NXPH1: variants seen among roughly 807,000 people sequenced by gnomAD.
NXPH1 encodes neurexophilin-1.
A neutral mutation model predicts 23.7 loss-of-function variants in NXPH1; 5 were observed. The observed-to-expected ratio is 0.21, with a 90% CI of 0.11 to 0.44. The LOEUF (loss-of-function observed/expected upper bound fraction) is 0.44. Ranked by LOEUF, NXPH1 falls within the 20% of genes least tolerant of loss-of-function variation. The pLI is 0.99. For missense variants in NXPH1, 324 were observed against 321.6 expected (o/e 1.01, Z -0.06); for synonymous variants, 144 against 122.2 (o/e 1.18, Z -1.18).
intron 2 of NXPH1, among the ~76,000 whole-genome samples, chr7:8,711,110 C>T (rs532668653): frequency 1.3e-5 from 2 of 152,238 alleles, no homozygotes; most frequent in Admixed American, 1.3e-4. Context: ...AGTATTCCTA[C>T]TAAAAGGAAA....
intron 2 of NXPH1, among the ~76,000 whole-genome samples, chr7:8,623,489 G>T (rs1474467513): frequency 6.6e-6 from 1 of 151,806 alleles, no homozygotes; most frequent in Non-Finnish European, 1.5e-5. Flanking sequence ...AAATTAAAAA[G>T]ATAAAAGAAA....
At chr7:8,705,259 C>T (rs928995324) in intron 2 of NXPH1, among the ~76,000 whole-genome samples, 1 of 152,154 alleles carries the variant, frequency 6.6e-6, no homozygotes, top group African/African-American at 2.4e-5. Context: ...CTTAGTGGGT[C>T]CATGGACCCA....
At chr7:8,526,901 T>A (rs903512520) in intron 2 of NXPH1, among the ~76,000 whole-genome samples, 16 of 152,158 alleles carry the variant, frequency 1.1e-4, no homozygotes, top group Non-Finnish European at 1.9e-4. Context: ...GTAAATATAT[T>A]GTCGTGCATA....
At chr7:8,480,143 A>C (rs1817048718) in intron 2 of NXPH1, among the ~76,000 whole-genome samples, 1 of 152,136 alleles carries the variant, frequency 6.6e-6, no homozygotes, top group Non-Finnish European at 1.5e-5. Flanking sequence ...GGTAGCTGAC[A>C]TAGGTCTATA....
intron 2 of NXPH1, among the ~76,000 whole-genome samples, chr7:8,629,898 AC>A (rs1451598904): frequency 3.3e-5 from 5 of 152,252 alleles, no homozygotes; most frequent in South Asian, 4.1e-4. Context: ...AGGTCCTACA[AC>A]CTTTTGCCTC....
intron 2 of NXPH1, among the ~76,000 whole-genome samples, chr7:8,699,303 C>T (rs1012232726): frequency 6.6e-6 from 1 of 152,082 alleles, no homozygotes; most frequent in African/African-American, 2.4e-5. Flanking sequence ...CAATGGAAAA[C>T]ATACATACTT....
intron 2 of NXPH1, among the ~76,000 whole-genome samples, chr7:8,482,446 T>C (rs974388299): frequency 6.6e-6 from 1 of 151,978 alleles, no homozygotes; most frequent in Non-Finnish European, 1.5e-5. Context: ...GCACTGGGAG[T>C]CTTTAGGTTC....
At chr7:8,666,788 A>G (rs543605115) in intron 2 of NXPH1, among the ~76,000 whole-genome samples, 2 of 152,098 alleles carry the variant, frequency 1.3e-5, no homozygotes, top group Admixed American at 1.3e-4. Flanking sequence ...TTATCAATTT[A>G]TTCTAGATTA....
chr7:8,665,210 T>A (rs1447156221), intron 2 of NXPH1, among the ~76,000 whole-genome samples: 1 of 152,050 alleles, frequency 6.6e-6, no homozygotes, highest in African/African-American at 2.4e-5. Context: ...TGGTGTAAGA[T>A]AAGGATCTAA....
chr7:8,592,702 G>A (rs1583177962), intron 2 of NXPH1, among the ~76,000 whole-genome samples: 2 of 152,032 alleles, frequency 1.3e-5, no homozygotes, highest in South Asian at 4.1e-4. Flanking sequence ...TAACTTTGCT[G>A]TTTTAGTACA....
At chr7:8,569,884 A>G (rs181685432) in intron 2 of NXPH1, among the ~76,000 whole-genome samples, 1 of 152,042 alleles carries the variant, frequency 6.6e-6, no homozygotes, top group East Asian at 1.9e-4. Flanking sequence ...TTGTGTGTCT[A>G]TGGGCATTCA....
chr7:8,523,857 A>G (rs894373847), intron 2 of NXPH1, among the ~76,000 whole-genome samples: 2 of 152,180 alleles, frequency 1.3e-5, no homozygotes, highest in African/African-American at 4.8e-5. Flanking sequence ...GTCCTTCCCC[A>G]CTAACCATTT....
chr7:8,476,978 G>A (rs1460206962), intron 2 of NXPH1, among the ~76,000 whole-genome samples: 1 of 152,104 alleles, frequency 6.6e-6, no homozygotes, highest in Non-Finnish European at 1.5e-5. Flanking sequence ...AAGACTAGCT[G>A]GGAATCTTAT....
chr7:8,557,817 C>G (rs935789338), intron 2 of NXPH1, among the ~76,000 whole-genome samples: 4 of 151,640 alleles, frequency 2.6e-5, no homozygotes, highest in African/African-American at 9.7e-5. Flanking sequence ...AATGCTGGAC[C>G]CATATTTTCC....
Position 8,751,725 on chromosome 7 carries a change from G to C in NXPH1, c.772G>C (p.Asp258His). 6.2e-7 allele frequency: 1 copy of C among 1,612,686 alleles called. No individual in the cohort carries two copies. Among genetic ancestry groups the C allele is most frequent in the Non-Finnish European group, 8.5e-7 (1 of 1,179,412 alleles). Residue 258 changes from aspartate to histidine, a missense_variant, in exon 3 of 3, where the codon GAC (aspartate) becomes CAC (histidine). By Grantham distance (81) the Asp-to-His change is moderately conservative. Transcript: ENST00000405863. The surrounding 1 kb of genome is among the most constrained non-coding windows in gnomAD (Gnocchi z 4.5). The stretch of plus-strand genomic sequence containing the variant: ...TAAACTGGTACAGAAAGTGTGCCCT[G>C]ACTACAACTACCACAGTGACACACC... ...DYKLVQKVCP[D>H]YNYHSDTPYF...
intron 2 of NXPH1, among the ~76,000 whole-genome samples, chr7:8,499,159 G>T (rs1817389553): frequency 1.3e-5 from 2 of 152,042 alleles, no homozygotes; most frequent in South Asian, 4.1e-4. Context: ...TTCTTTTTTG[G>T]TTCCTATACC....
chr7:8,481,076 C>A (rs1271930759), intron 2 of NXPH1, among the ~76,000 whole-genome samples: 1 of 152,118 alleles, frequency 6.6e-6, no homozygotes, highest in Non-Finnish European at 1.5e-5. Flanking sequence ...TCTGATGAAC[C>A]ACAGCAGCCT....
At chr7:8,559,616 T>C (rs549910874) in intron 2 of NXPH1, among the ~76,000 whole-genome samples, 2 of 151,846 alleles carry the variant, frequency 1.3e-5, no homozygotes, top group South Asian at 4.1e-4. Context: ...TGAGCTTTTT[T>C]CCTCAGTTAG....
At chr7:8,461,295 T>C (rs1193731902) in intron 2 of NXPH1, among the ~76,000 whole-genome samples, 3 of 152,160 alleles carry the variant, frequency 2.0e-5, no homozygotes, top group African/African-American at 7.2e-5. Context: ...CAGGTTGTAT[T>C]TTTTTTCCTT....
Sources: gnomAD v4.1 joint callset for allele counts (sites outside exome capture counted in the v4.1 genomes callset) on GRCh38, gnomAD v4.1.1 for gene constraint, Gnocchi (gnomAD v3.1) non-coding constraint, MANE v1.5 for transcripts, NCBI Gene and HGNC (gene_info 2026-07-23, HGNC 2026-07-21) for gene names.